Variants in CELF2 observed in about 807,000 individuals in gnomAD.
CELF2 encodes CUGBP Elav-like family member 2.
A neutral mutation model predicts 62.6 loss-of-function variants in CELF2; 8 were observed. That is an observed-to-expected ratio of 0.13 (90% CI 0.07 to 0.23). The LOEUF is 0.23. Ranked by LOEUF, CELF2 falls within the 10% of genes least tolerant of loss-of-function variation. CELF2 has a pLI of 1.00. For synonymous variants in CELF2, 258 were observed against 250.0 expected (o/e 1.03, Z -0.30); for missense variants, 333 against 671.0 (o/e 0.50, Z 5.56).
intron 2 of CELF2, among the ~76,000 whole-genome samples, chr10:10,922,358 A>T (rs1056408795): frequency 6.6e-6 from 1 of 152,110 alleles, no homozygotes; most frequent in African/African-American, 2.4e-5. Flanking sequence ...TTGTGTGTCT[A>T]CCCACGTTTG....
At chr10:10,652,690 C>G in the CELF2 span, among the ~76,000 whole-genome samples, 24 of 151,856 alleles carry the variant, frequency 1.6e-4, no homozygotes, top group South Asian at 2.1e-3. Flanking sequence ...TTTGTCACCA[C>G]CAGGCCTGCC....
In CELF2 at chr10:11,025,480, C is replaced by T. The variant is rs888335343; in HGVS notation, c.74+7317C>T. On this transcript the variant is annotated intron_variant, in intron 1 of 12. Coordinates refer to ENST00000633077, the MANE Select transcript of CELF2 (RefSeq NM_001326342.2). ...CCTTCCCCCTTCGTTCAACGCTTTC[C>T]CTTCTTGCCACCTTGTGAGGGAGGT... Among the ~76,000 whole-genome samples the T allele has an allele frequency of 6.6e-5, 10 of 152,198 alleles. No homozygotes were observed. The South Asian group carries it at 1.9e-3, about 28-fold the overall frequency.
chr10:11,055,941 C>T (rs765207925), intron 1 of CELF2, among the ~76,000 whole-genome samples: 1 of 152,308 alleles, frequency 6.6e-6, no homozygotes, highest in East Asian at 1.9e-4. Context: ...GAAAACAAAG[C>T]TTTAAAAGCA....
intron 1 of CELF2, among the ~76,000 whole-genome samples, chr10:11,060,341 G>A (rs1004840886): frequency 6.6e-6 from 1 of 152,168 alleles, no homozygotes; most frequent in Non-Finnish European, 1.5e-5. Context: ...CAGGATTCAG[G>A]GGCATTTTGT....
intron 2 of CELF2, among the ~76,000 whole-genome samples, chr10:10,945,382 C>T (rs1416937708): frequency 6.6e-6 from 1 of 152,156 alleles, no homozygotes; most frequent in Non-Finnish European, 1.5e-5. Context: ...CAGCATATGC[C>T]ACCTATAGGC....
the CELF2 span, among the ~76,000 whole-genome samples, chr10:10,526,072 A>AG: frequency 6.6e-6 from 1 of 152,164 alleles, no homozygotes; most frequent in Non-Finnish European, 1.5e-5. Context: ...ATGATTAGTG[A>AG]TGCTGGCATG....
At chr10:10,501,579 A>G in the CELF2 span, among the ~76,000 whole-genome samples, 2 of 152,018 alleles carry the variant, frequency 1.3e-5, no homozygotes, top group Non-Finnish European at 1.5e-5. Context: ...TGTATTTTTA[A>G]TTTTAATTTC....
the CELF2 span, among the ~76,000 whole-genome samples, chr10:10,694,167 C>G: frequency 6.6e-6 from 1 of 151,800 alleles, no homozygotes; most frequent in South Asian, 2.1e-4. Flanking sequence ...AAATTTCCCT[C>G]TACACACTGC....
chr10:11,176,092 T>C (rs1364172742), intron 2 of CELF2, among the ~76,000 whole-genome samples: 1 of 152,198 alleles, frequency 6.6e-6, no homozygotes, highest in African/African-American at 2.4e-5. Context: ...AAAGATGAAG[T>C]GAGAGAACAT....
At position 11,328,543 on chromosome 10, in the gene CELF2, C is replaced by T. The variant is rs1324612242; in HGVS notation, c.1439-383C>T. On this transcript the variant is annotated intron_variant, in intron 12 of 12. Coordinates refer to ENST00000633077, the MANE Select transcript of CELF2 (RefSeq NM_001326342.2). The surrounding 1 kb of genome is among the most constrained non-coding windows in gnomAD (Gnocchi z 6.4). ...CCCCACAGCCCTGAAATATTTACACCACTGCTTGTATGAGTAGCATGTATG... is the reference window on the plus strand; with the variant it reads ...CCCCACAGCCCTGAAATATTTACACTACTGCTTGTATGAGTAGCATGTATG... 2.6e-5 allele frequency among the ~76,000 whole-genome samples: 4 copies of T among 152,206 alleles called. No homozygotes were observed. The highest frequency in any genetic ancestry group is 2.1e-4 in the South Asian group (1 of 4,826).
At chr10:11,286,453 C>T (rs1182782146) in intron 8 of CELF2, among the ~76,000 whole-genome samples, 1 of 152,222 alleles carries the variant, frequency 6.6e-6, no homozygotes, top group South Asian at 2.1e-4. Flanking sequence ...ATGGACAGAC[C>T]TGCGTGAATG....
rs2054033272 is a variant in CELF2, at chr10:10,997,086, A to T, written c.89+77087A>T. Among the ~76,000 whole-genome samples, 1 of 151,976 alleles carries T rather than the reference A, an allele frequency of 6.6e-6. No individual in the cohort carries two copies. Among genetic ancestry groups the T allele is most frequent in the African/African-American group, 2.4e-5 (1 of 41,356 alleles). On this transcript the variant is annotated intron_variant, in intron 2 of 13. Coordinates refer to the CELF2 transcript ENST00000636488. The surrounding 1 kb of genome is among the most constrained non-coding windows in gnomAD (Gnocchi z 5.3). ...CTGCTTTGGCCCTTCTCCTCTCTCT[A>T]CAGCTGCTGCCTGGCAACATGGAAT... is the stretch of plus-strand genomic sequence containing the variant.
the CELF2 span, among the ~76,000 whole-genome samples, chr10:10,667,028 C>T: frequency 6.6e-6 from 1 of 152,044 alleles, no homozygotes; most frequent in African/African-American, 2.4e-5. Flanking sequence ...TAAAATAAGT[C>T]AGTTGGGAAT....
chr10:11,336,179 A>G lies in CELF2; in HGVS notation c.*7126A>G, dbSNP rs1438736202. ...TGGCAGGCTAGGACACACAGTGAAC[A>G]TTAATGTACTGTGAATCGTTCCTGA... On this transcript the variant is annotated 3_prime_UTR_variant, in exon 13 of 13. Transcript: ENST00000633077. The surrounding 1 kb of genome is among the most constrained non-coding windows in gnomAD (Gnocchi z 5.4). 4.6e-5 allele frequency: 7 copies of G among 152,704 alleles called. No homozygotes were observed. Among genetic ancestry groups the G allele is most frequent in the Admixed American group, 3.9e-4 (6 of 15,290 alleles). The allele number at this position is 152,704 out of a possible 1,614,324, so 9.5% of individuals were successfully genotyped here. A position where few individuals can be genotyped will look rare whatever the true frequency, so the allele number is the denominator to read the frequency against.
chr10:11,127,307 G>T (rs2058870855), intron 1 of CELF2, among the ~76,000 whole-genome samples: 1 of 152,110 alleles, frequency 6.6e-6, no homozygotes, highest in Admixed American at 6.6e-5. Context: ...TGGAGATTTG[G>T]GTTGGTTCCA....
At chr10:10,940,257 GT>G (rs376873959) in intron 2 of CELF2, among the ~76,000 whole-genome samples, 1 of 152,032 alleles carries the variant, frequency 6.6e-6, no homozygotes, top group East Asian at 1.9e-4. Context: ...TGTTTTGTTT[GT>G]TTTTTTACAA....
At position 11,178,888 on chromosome 10, in the gene CELF2, CAT is replaced by C. The variant is rs1159575056; in HGVS notation, c.271+13207_271+13208del. 5.3e-5 allele frequency among the ~76,000 whole-genome samples: 8 copies of C among 152,214 alleles called. No homozygotes were observed. Among genetic ancestry groups the C allele is most frequent in the Admixed American group, 3.3e-4 (5 of 15,290 alleles). On this transcript the variant is annotated intron_variant, in intron 2 of 12. Coordinates refer to ENST00000633077, the MANE Select transcript of CELF2 (RefSeq NM_001326342.2). The surrounding 1 kb of genome is among the most constrained non-coding windows in gnomAD (Gnocchi z 4.3). ...TGCTGTGCTGACACATACTCCATCA[CAT>C]GTTTGCGATGAAAATGCTGTATTTT...
In CELF2 at chr10:11,305,905, T is replaced by G. The variant is rs1224730659; in HGVS notation, c.977-8234T>G. ...GGTCTCTGGACCACCTCGCTTTTCC[T>G]GTTCTCCACACCCCACCCTGCCCCA... On this transcript the variant is annotated intron_variant, in intron 9 of 12. Coordinates refer to ENST00000633077, the MANE Select transcript of CELF2 (RefSeq NM_001326342.2). The surrounding 1 kb of genome is among the most constrained non-coding windows in gnomAD (Gnocchi z 4.8). Among the ~76,000 whole-genome samples, 2 of 152,236 alleles carry G rather than the reference T, an allele frequency of 1.3e-5. No homozygotes were observed. The highest frequency in any genetic ancestry group is 2.9e-5 in the Non-Finnish European group (2 of 68,040).
intron 1 of CELF2, among the ~76,000 whole-genome samples, chr10:11,102,713 T>G (rs1253865121): frequency 6.6e-6 from 1 of 152,208 alleles, no homozygotes; most frequent in Non-Finnish European, 1.5e-5. Context: ...AATCTCTTCC[T>G]AGGCAACCAA....
Sources: gnomAD v4.1 joint callset for allele counts (sites outside exome capture counted in the v4.1 genomes callset) on GRCh38, gnomAD v4.1.1 for gene constraint, Gnocchi (gnomAD v3.1) non-coding constraint, MANE v1.5 for transcripts, NCBI Gene and HGNC (gene_info 2026-07-23, HGNC 2026-07-21) for gene names.